The following ZIC4 variants were observed in gnomAD, a reference collection of about 807,000 sequenced individuals.
ZIC4 encodes Zic family zinc finger 4, also known as zinc finger protein ZIC 4.
Under a neutral mutation model 28.8 loss-of-function variants are expected in ZIC4, and 15 were observed. That is an observed-to-expected ratio of 0.52 (90% CI 0.35 to 0.80). ZIC4 has a LOEUF of 0.80. Ranked by LOEUF, ZIC4 falls within the 30% of genes least tolerant of loss-of-function variation. The probability of loss-of-function intolerance (pLI) is 0.01; values close to 1 mark genes in which losing one functional copy is unlikely to be tolerated. For missense variants in ZIC4, 512 were observed against 467.1 expected (o/e 1.10, Z -0.89); for synonymous variants, 220 against 198.1 (o/e 1.11, Z -0.93).
chr3:147,404,012 A>G (rs1220949491), intron 1 of ZIC4: 3 of 1,537,058 alleles, frequency 2.0e-6, no homozygotes, highest in Non-Finnish European at 2.6e-6. Context: ...ACCAAAAGGC[A>G]TTCTTCCCCA....
chr3:147,396,400 T>C lies in ZIC4; in HGVS notation c.140A>G (p.His47Arg), dbSNP rs779702578. ...GGGGGAGGCCTGGGGAGGCTCCTCG[T>C]GGAGGCCCGGGAACACCGAGGGGCT... ...ASSPSVFPGL[H>R]EEPPQASPSR... The change falls in exon 3 of 5, where the codon CAC becomes CGC. Residue 47 changes from histidine to arginine, a missense_variant. Physicochemically the swap from His to Arg is conservative, Grantham distance 29. Coordinates refer to ENST00000383075, the MANE Select transcript of ZIC4 (RefSeq NM_032153.6). The surrounding 1 kb of genome is among the most constrained non-coding windows in gnomAD (Gnocchi z 4.2). 5.9e-6 allele frequency: 9 copies of C among 1,526,776 alleles called. No homozygotes were observed. The highest frequency in any genetic ancestry group is 2.2e-5 in the Admixed American group (1 of 45,044). 94.6% of individuals were successfully genotyped at this position (1,526,776 alleles called of 1,614,324 possible).
rs1432076537 is a variant in ZIC4, at chr3:147,405,563, A to G, written c.-16+800T>C. ...CCTCCTCATTGGCCCCTAATTTCCAATGCCCCTGGGTCTAGGCTAGGGGCC... is the reference window on the plus strand; with the variant it reads ...CCTCCTCATTGGCCCCTAATTTCCAGTGCCCCTGGGTCTAGGCTAGGGGCC... On this transcript the variant is annotated intron_variant, in intron 1 of 4. Transcript: ENST00000383075. 56 of 1,353,916 alleles carry G rather than the reference A, an allele frequency of 4.1e-5. No individual in the cohort carries two copies. In the East Asian group the frequency reaches 1.4e-3, roughly 33 times the overall value. 83.9% of individuals were successfully genotyped at this position (1,353,916 alleles called of 1,614,324 possible). A position where few individuals can be genotyped will look rare whatever the true frequency, so the allele number is the denominator to read the frequency against.
intron 4 of ZIC4, chr3:147,389,289 G>A (rs533558427): frequency 1.7e-5 from 3 of 177,022 alleles, no homozygotes; most frequent in East Asian, 1.6e-4. Context: ...AAAGTTGTGG[G>A]GGCTGCGGGC....
rs545813961 is a variant in ZIC4, at chr3:147,395,511, T to A, written c.688+341A>T. On this transcript the variant is annotated intron_variant, in intron 3 of 4. Coordinates refer to ENST00000383075, the MANE Select transcript of ZIC4 (RefSeq NM_032153.6). ...GGGACAAGGAAAAAAGTTAGACAGC[T>A]GTTCTTATGTCTTTACGACTTTGGG... 5.9e-5 allele frequency among the ~76,000 whole-genome samples: 9 copies of A among 152,322 alleles called. No individual in the cohort carries two copies. The South Asian group carries it at 1.9e-3, about 32-fold the overall frequency.
rs1474935749 is a variant in ZIC4, at chr3:147,396,027, G to A, written c.513C>T (p.His171=). Residue 171 remains histidine, a synonymous_variant, in exon 3 of 5, where the codon CAC becomes CAT. Transcript: ENST00000383075. This position sits in a 1 kb window ranked among gnomAD's most constrained non-coding sequence, Gnocchi z 4.2. ...GCGGACACTCCTCCCAGAAGCAAAT[G>A]TGGTTGGCCTGTTCCGGGCCGCCGA... ...EHVGGPEQAN[H]ICFWEECPRQ... 5.6e-6 allele frequency: 9 copies of A among 1,614,154 alleles called. No individual in the cohort carries two copies. Among genetic ancestry groups the A allele is most frequent in the Non-Finnish European group, 7.6e-6 (9 of 1,180,062 alleles).
rs564315097 is a variant in ZIC4 at position 147,404,832 on chromosome 3, A to G, written c.-16+1531T>C. ...GTGGGGCCGACCTAGCCGGCGCAGG[A>G]CTACCCAAGGTCAGAGGTCAGCTGC... On this transcript the variant is annotated intron_variant, in intron 1 of 4. Coordinates refer to ENST00000383075, the MANE Select transcript of ZIC4 (RefSeq NM_032153.6). Among the ~76,000 whole-genome samples the G allele has an allele frequency of 2.0e-5, 3 of 152,300 alleles. No individual in the cohort carries two copies. In the South Asian group the frequency reaches 6.2e-4, roughly 32 times the overall value.
chr3:147,399,078 C>T (rs557743801), intron 2 of ZIC4, among the ~76,000 whole-genome samples: 42 of 151,976 alleles, frequency 2.8e-4, no homozygotes, highest in Non-Finnish European at 5.4e-4. Context: ...CCAATAGATA[C>T]TCCTCAGTAT....
intron 2 of ZIC4, 78 bp downstream of exon 2, chr3:147,402,650 T>A: frequency 3.0e-6 from 4 of 1,337,580 alleles, no homozygotes. Flanking sequence ...AAACAAAACT[T>A]CCTACTTAAA....
intron 3 of ZIC4, chr3:147,392,621 G>C (rs530854047): frequency 1.1e-5 from 2 of 183,402 alleles, no homozygotes; most frequent in Admixed American, 6.5e-5. Context: ...CGCGCAGCTG[G>C]AGAACTGTTG....
rs2087048949 is a variant in ZIC4, at chr3:147,396,565, C to T, written c.71-96G>A. On this transcript the variant is annotated intron_variant, in intron 2 of 4. Coordinates refer to ENST00000383075, the MANE Select transcript of ZIC4 (RefSeq NM_032153.6). This position sits in a 1 kb window ranked among gnomAD's most constrained non-coding sequence, Gnocchi z 4.2. ...GGGCAGGCCCAGCCCTGCCGCACTA[C>T]GGCCTCTGCAGTCAGCCGTGGAACT... 16 of 1,406,914 alleles carry T rather than the reference C, an allele frequency of 1.1e-5. No individual in the cohort carries two copies. Among genetic ancestry groups the T allele is most frequent in the Non-Finnish European group, 1.5e-5 (16 of 1,074,468 alleles). 87.2% of individuals were successfully genotyped at this position (1,406,914 alleles called of 1,614,324 possible). A position where few individuals can be genotyped will look rare whatever the true frequency, so the allele number is the denominator to read the frequency against.
At position 147,391,408 on chromosome 3, in the gene ZIC4, G is replaced by T. The variant is rs2086915197; in HGVS notation, c.689-162C>A. Reference sequence around the variant, plus strand: ...CAGGTCGAGCACCCCTTTCCCTCGTGCAGAGAGCGCCCCCGGTGCCCTCTC... The same window carrying T: ...CAGGTCGAGCACCCCTTTCCCTCGTTCAGAGAGCGCCCCCGGTGCCCTCTC... On this transcript the variant is annotated intron_variant, in intron 3 of 4. Transcript: ENST00000383075. The T allele has an allele frequency of 1.5e-5, 13 of 888,686 alleles. No homozygotes were observed. The South Asian group carries it at 2.2e-4, about 15-fold the overall frequency. The allele number at this position is 888,686 out of a possible 1,614,324, so 55.1% of individuals were successfully genotyped here.
chr3:147,396,179 G>T lies in ZIC4; in HGVS notation c.361C>A (p.Arg121Ser), dbSNP rs1160616911. 11 of 1,614,004 alleles carry T rather than the reference G, an allele frequency of 6.8e-6. No homozygotes were observed. The highest frequency in any genetic ancestry group is 8.5e-6 in the Non-Finnish European group (10 of 1,180,020). ...ATGAGCTCCTGTTTGATGGGCTGGC[G>T]CATGTAGCGGAAGAAAGCGCCAGGA... ...HGPGAFFRYM[R>S]QPIKQELICK... Residue 121 changes from arginine to serine, a missense_variant, in exon 3 of 5, where the codon CGC (arginine) becomes AGC (serine). By Grantham distance (110) the Arg-to-Ser change is moderately radical (BLOSUM62 -1). This residue lies in a region of ZIC4 where 310 missense variants were observed against 256.5 expected (regional missense o/e 1.21). Coordinates refer to ENST00000383075, the MANE Select transcript of ZIC4 (RefSeq NM_032153.6). This position sits in a 1 kb window ranked among gnomAD's most constrained non-coding sequence, Gnocchi z 4.2.
At chr3:147,392,582 G>T in intron 3 of ZIC4, 1 of 290,200 alleles carries the variant, frequency 3.4e-6, no homozygotes, top group Non-Finnish European at 5.1e-6. Flanking sequence ...TAAGGGACCG[G>T]CTACCTAGCG....
rs879076147 is a variant in ZIC4, at chr3:147,386,406, A to G, written c.*2453T>C. ...TTGCCTGTCTGTATAATTCACATTCATTGCAATTATTACATTTTCTCATAA... is the reference window on the plus strand; with the variant it reads ...TTGCCTGTCTGTATAATTCACATTCGTTGCAATTATTACATTTTCTCATAA... On this transcript the variant is annotated 3_prime_UTR_variant, in exon 5 of 5. Coordinates refer to ENST00000383075, the MANE Select transcript of ZIC4 (RefSeq NM_032153.6). The G allele has an allele frequency of 6.5e-6, 1 of 152,710 alleles. No homozygotes were observed. The highest frequency in any genetic ancestry group is 2.1e-4 in the South Asian group (1 of 4,836). 9.5% of individuals were successfully genotyped at this position (152,710 alleles called of 1,614,324 possible).
intron 1 of ZIC4, chr3:147,405,242 G>A (rs1242334236): frequency 3.7e-6 from 3 of 815,928 alleles, no homozygotes; most frequent in Non-Finnish European, 3.8e-6. Flanking sequence ...GATCAGGCTG[G>A]GCATTTAGCC....
chr3:147,404,158 G>A, intron 1 of ZIC4: 1 of 1,523,100 alleles, frequency 6.6e-7, no homozygotes, highest in Non-Finnish European at 8.8e-7. Context: ...GAAAAGTCCT[G>A]GTTGGTTGGC....
chr3:147,399,876 G>C (rs2087129341), intron 2 of ZIC4, among the ~76,000 whole-genome samples: 1 of 152,094 alleles, frequency 6.6e-6, no homozygotes, highest in Non-Finnish European at 1.5e-5. Context: ...ATGTTAGCCA[G>C]GCTGGTCTTG....
rs928525592 is a variant in ZIC4, at chr3:147,402,756, C to T, written c.42G>A (p.Arg14=). 1 of 1,613,542 alleles carries T rather than the reference C, an allele frequency of 6.2e-7. No individual in the cohort carries two copies. The highest frequency in any genetic ancestry group is 8.5e-7 in the Non-Finnish European group (1 of 1,179,852). ...KTSLVMRKRL[R]LYRNTLKESS... ...ACTCTTTAAGAGTGTTTCGGTAAAG[C>T]CGTAATCGTTTCCTCATCACCAAGG... is the stretch of plus-strand genomic sequence containing the variant. Residue 14 remains arginine (R), a synonymous_variant, in exon 2 of 5, where the codon CGG becomes CGA. Transcript: ENST00000383075.
rs1451208413 is a variant in ZIC4 at position 147,402,793 on chromosome 3, C to G, written c.5G>C (p.Arg2Thr). Residue 2 changes from arginine to threonine, a missense_variant, in exon 2 of 5, where the codon AGA becomes ACA. By Grantham distance (71) the Arg-to-Thr change is moderately conservative. Coordinates refer to ENST00000383075, the MANE Select transcript of ZIC4 (RefSeq NM_032153.6). Reference sequence around the variant, plus strand: ...CCTCATCACCAAGGATGTCTTGTATCTCATTTTCTGACTTTGAGCCTGTTT... The same window carrying G: ...CCTCATCACCAAGGATGTCTTGTATGTCATTTTCTGACTTTGAGCCTGTTT... MRYKTSLVMRKR... is the reference protein window; with the variant it reads MTYKTSLVMRKR... 6.2e-7 allele frequency: 1 copy of G among 1,613,738 alleles called. No homozygotes were observed. The highest frequency in any genetic ancestry group is 1.1e-5 in the South Asian group (1 of 91,018).
Sources: allele counts gnomAD v4.1 joint callset (sites outside exome capture counted in the v4.1 genomes callset), GRCh38; gene constraint gnomAD v4.1.1; regional missense constraint gnomAD v4.1.1; non-coding constraint Gnocchi (gnomAD v3.1); transcripts MANE v1.5; gene names NCBI Gene and HGNC (gene_info 2026-07-23, HGNC 2026-07-21).